IER3IP1: variants seen among roughly 807,000 people sequenced by gnomAD.
The protein encoded by IER3IP1 is immediate early response 3 interacting protein 1, also known as immediate early response 3-interacting protein 1.
IER3IP1 carries 16 observed loss-of-function variants against 12.2 expected under a neutral mutation model. The ratio of observed to expected loss-of-function variants is 1.31; its 90% confidence interval spans 0.89 to 1.99. The LOEUF (loss-of-function observed/expected upper bound fraction) is 1.99. Among genes scored for constraint, IER3IP1 ranks in the 30% most tolerant of loss-of-function variants. IER3IP1 has a pLI of 0.00. For missense variants in IER3IP1, 95 were observed against 95.8 expected (o/e 0.99, Z 0.03); for synonymous variants, 42 against 40.0 (o/e 1.05, Z -0.19).
chr18:47,176,076 T>C (rs2144443394), intron 1 of IER3IP1, 111 bp downstream of exon 1: 1 of 895,188 alleles, frequency 1.1e-6, no homozygotes, highest in African/African-American at 1.6e-5. Flanking sequence ...AGCCGAGCCT[T>C]CCGCTGTTCT....
intron 1 of IER3IP1, among the ~76,000 whole-genome samples, chr18:47,175,604 G>T (rs981343120): frequency 5.9e-5 from 9 of 151,958 alleles, no homozygotes; most frequent in African/African-American, 2.2e-4. Context: ...GCTAATTTTT[G>T]TATTTCCACC....
chr18:47,160,347 C>G (rs2063976022), intron 1 of IER3IP1, among the ~76,000 whole-genome samples: 2 of 152,234 alleles, frequency 1.3e-5, no homozygotes. Context: ...TCACTGTCTT[C>G]TTACCCTACT....
intron 1 of IER3IP1, among the ~76,000 whole-genome samples, chr18:47,169,894 G>A (rs1289347188): frequency 1.3e-5 from 2 of 152,116 alleles, no homozygotes; most frequent in East Asian, 1.9e-4. Context: ...ATCACAGTCT[G>A]TGGTTGTCTT....
chr18:47,154,870 A>G lies in IER3IP1; in HGVS notation c.*1307T>C, dbSNP rs966805981. 2 of 152,206 alleles carry G rather than the reference A, an allele frequency of 1.3e-5. No individual in the cohort carries two copies. The highest frequency in any genetic ancestry group is 1.3e-4 in the Admixed American group (2 of 15,284). 9.4% of individuals were successfully genotyped at this position (152,206 alleles called of 1,614,324 possible). On this transcript the variant is annotated 3_prime_UTR_variant, in exon 3 of 3. Transcript: ENST00000256433. ...CTCATGAGTCTTCTGGATGTATGTCAGCAATTCAGTTAATTCACTGAAGAA... is the reference window on the plus strand; with the variant it reads ...CTCATGAGTCTTCTGGATGTATGTCGGCAATTCAGTTAATTCACTGAAGAA...
At chr18:47,157,660 AG>A in intron 1 of IER3IP1, 123 bp from the exon 2 acceptor site, 1 of 847,122 alleles carries the variant, frequency 1.2e-6, no homozygotes, top group South Asian at 1.4e-5. Flanking sequence ...ATGACTTTTA[AG>A]AAAAGTTAAA....
chr18:47,175,914 G>A (rs1031978168), intron 1 of IER3IP1, among the ~76,000 whole-genome samples: 1 of 151,908 alleles, frequency 6.6e-6, no homozygotes, highest in Non-Finnish European at 1.5e-5. Context: ...TTAAATTACT[G>A]ACCTGAAGTA....
Position 47,166,336 on chromosome 18 carries a change from G to A in IER3IP1, c.92-8799C>T, listed in dbSNP as rs114196879. Among the ~76,000 whole-genome samples the A allele has an allele frequency of 3.2e-3, 487 of 152,238 alleles. 7 individuals are homozygous for A. The highest frequency in any genetic ancestry group is 0.026 in the East Asian group (133 of 5,182). ...GGATCCTTCTCAGTCTACTGGCCTC[G>A]ACAGAAAAGAAACTACAGTGATGCT... On this transcript the variant is annotated intron_variant, in intron 1 of 2. Transcript: ENST00000256433.
chr18:47,161,177 A>C (rs28578518), intron 1 of IER3IP1, among the ~76,000 whole-genome samples: 7,994 of 152,290 alleles, frequency 0.052, 255 homozygotes, highest in East Asian at 0.092. Flanking sequence ...TCAGGAAATA[A>C]GACTTCACTT....
chr18:47,162,682 GA>G (rs900694198), intron 1 of IER3IP1, among the ~76,000 whole-genome samples: 11 of 148,824 alleles, frequency 7.4e-5, no homozygotes, highest in Admixed American at 1.3e-4. Context: ...CAAAAAGAAA[GA>G]AAAAAAAAGA....
At chr18:47,157,650 A>G in intron 1 of IER3IP1, 113 bp from the exon 2 acceptor site, 2 of 924,830 alleles carry the variant, frequency 2.2e-6, no homozygotes, top group South Asian at 1.4e-5. Context: ...AGAAAGTCAT[A>G]TGACTTTTAA....
In IER3IP1 at chr18:47,155,893, CT is replaced by C. The variant is rs1164205891; in HGVS notation, c.*283del. The C allele has an allele frequency of 1.0e-5, 3 of 292,282 alleles. No homozygotes were observed. Among genetic ancestry groups the C allele is most frequent in the Non-Finnish European group, 1.9e-5 (3 of 158,708 alleles). 18.1% of individuals were successfully genotyped at this position (292,282 alleles called of 1,614,324 possible). A position where few individuals can be genotyped will look rare whatever the true frequency, so the allele number is the denominator to read the frequency against. On this transcript the variant is annotated 3_prime_UTR_variant, in exon 3 of 3. Coordinates refer to ENST00000256433, the MANE Select transcript of IER3IP1 (RefSeq NM_016097.5). The stretch of plus-strand genomic sequence containing the variant: ...AAAAGAGAAGCAACAGTCTTGCACC[CT>C]TTTAACAATCTCACCACAGCATGAA...
In IER3IP1 at chr18:47,154,598, CT is replaced by C. The variant is rs2063951778; in HGVS notation, c.*1578del. The C allele has an allele frequency of 6.6e-6, 1 of 152,214 alleles. No individual in the cohort carries two copies. The highest frequency in any genetic ancestry group is 1.5e-5 in the Non-Finnish European group (1 of 68,030). 9.4% of individuals were successfully genotyped at this position (152,214 alleles called of 1,614,324 possible). ...CCTCAAGTAACTGCTTCTTTTGAATCTTTTCAGTAGCTCAAACTTGAACTCA... is the reference window on the plus strand; with the variant it reads ...CCTCAAGTAACTGCTTCTTTTGAATCTTTCAGTAGCTCAAACTTGAACTCA... On this transcript the variant is annotated 3_prime_UTR_variant, in exon 3 of 3. Transcript: ENST00000256433.
At chr18:47,162,259 T>C (rs934137256) in intron 1 of IER3IP1, among the ~76,000 whole-genome samples, 1 of 152,254 alleles carries the variant, frequency 6.6e-6, no homozygotes, top group South Asian at 2.1e-4. Context: ...CTCAATGAAA[T>C]AGCCAATTTC....
chr18:47,169,395 C>A (rs1014826034), intron 1 of IER3IP1, among the ~76,000 whole-genome samples: 6 of 152,032 alleles, frequency 3.9e-5, no homozygotes, highest in Non-Finnish European at 1.5e-5. Flanking sequence ...TTTGAACATT[C>A]CATGTTTGTT....
At chr18:47,161,754 G>A (rs1039919818) in intron 1 of IER3IP1, among the ~76,000 whole-genome samples, 1 of 151,932 alleles carries the variant, frequency 6.6e-6, no homozygotes, top group Admixed American at 6.6e-5. Context: ...TACATTTATT[G>A]TGTACTTTAT....
At chr18:47,174,668 C>CAAA (rs1293825170) in intron 1 of IER3IP1, among the ~76,000 whole-genome samples, 9 of 128,644 alleles carry the variant, frequency 7.0e-5, no homozygotes, top group East Asian at 4.4e-4. Context: ...GACTCCGTCT[C>CAAA]AAAAAAAAAA....
rs1416530537 is a variant in IER3IP1 at position 47,155,491 on chromosome 18, A to T, written c.*686T>A. The stretch of plus-strand genomic sequence containing the variant: ...ACTTATAGATTTTTCTGACAATGAA[A>T]ATCTGTAGACACTGGTCTGGTCTCA... On this transcript the variant is annotated 3_prime_UTR_variant, in exon 3 of 3. Transcript: ENST00000256433. 1.3e-5 allele frequency: 2 copies of T among 152,188 alleles called. No homozygotes were observed. The highest frequency in any genetic ancestry group is 2.9e-5 in the Non-Finnish European group (2 of 68,034). The allele number at this position is 152,188 out of a possible 1,614,324, so 9.4% of individuals were successfully genotyped here.
intron 1 of IER3IP1, among the ~76,000 whole-genome samples, chr18:47,164,208 A>G (rs2063988703): frequency 1.3e-5 from 2 of 152,242 alleles, no homozygotes; most frequent in South Asian, 4.1e-4. Flanking sequence ...AAGCATCACC[A>G]CTGAAGTAAT....
At chr18:47,163,149 C>G (rs1415577461) in intron 1 of IER3IP1, among the ~76,000 whole-genome samples, 1 of 152,064 alleles carries the variant, frequency 6.6e-6, no homozygotes, top group South Asian at 2.1e-4. Context: ...ATAAATTAGA[C>G]ATAGTAAGAG....
Sources: gnomAD v4.1 joint callset for allele counts (sites outside exome capture counted in the v4.1 genomes callset) on GRCh38, gnomAD v4.1.1 for gene constraint, MANE v1.5 for transcripts, NCBI Gene and HGNC (gene_info 2026-07-23, HGNC 2026-07-21) for gene names.